Variants in COL4A4 observed in about 807,000 individuals in gnomAD.
COL4A4 encodes collagen type IV alpha 4 chain.
In COL4A4, 105 loss-of-function variants were observed where a neutral mutation model predicts 192.9. The ratio of observed to expected loss-of-function variants is 0.54; its 90% CI spans 0.46 to 0.64. The LOEUF (loss-of-function observed/expected upper bound fraction) is 0.64, where lower values mean the gene tolerates loss of function less well. Ranked by LOEUF, COL4A4 falls within the 30% of genes least tolerant of loss-of-function variation. COL4A4 has a pLI of 0.00. For missense variants in COL4A4, 1,967 were observed against 2,169.3 expected, an observed-to-expected ratio of 0.91 and a Z score of 1.85; for synonymous variants, 762 against 769.9, an observed-to-expected ratio of 0.99 and a Z score of 0.17.
At chr2:227,120,602 C>T (rs2061721160) in intron 5 of COL4A4, among the ~76,000 whole-genome samples, 1 of 152,062 alleles carries the variant, frequency 6.6e-6, no homozygotes, top group Non-Finnish European at 1.5e-5. Context: ...TCAGGGACTT[C>T]ATTTATTATA....
At chr2:226,987,761 C>G in the COL4A4 span, among the ~76,000 whole-genome samples, 1 of 152,224 alleles carries the variant, frequency 6.6e-6, no homozygotes, top group Non-Finnish European at 1.5e-5. Flanking sequence ...CACAGCATTT[C>G]TCAGTGACTT....
intron 44 of COL4A4, among the ~76,000 whole-genome samples, chr2:227,021,680 C>A (rs1966037015): frequency 6.6e-6 from 1 of 152,100 alleles, no homozygotes. Context: ...AAAAAATTAG[C>A]TGAGCGTGGT....
rs1311685590 is a variant in COL4A4 at position 227,006,119 on chromosome 2, T to C, written c.*1206A>G. The C allele has an allele frequency of 1.3e-5, 2 of 152,786 alleles. No individual in the cohort carries two copies. Among genetic ancestry groups the C allele is most frequent in the South Asian group, 2.1e-4 (1 of 4,830 alleles). 9.5% of individuals were successfully genotyped at this position (152,786 alleles called of 1,614,324 possible). A position where few individuals can be genotyped will look rare whatever the true frequency, so the allele number is the denominator to read the frequency against. On this transcript the variant is annotated 3_prime_UTR_variant, in exon 48 of 48. Coordinates refer to ENST00000396625, the MANE Select transcript of COL4A4 (RefSeq NM_000092.5). ...CCACGGGAGCATAAAATTCAAATTA[T>C]AAATTGTCTTTGTTTCGTTTAAAGA...
intron 4 of COL4A4, among the ~76,000 whole-genome samples, chr2:227,136,996 A>C (rs1317312833): frequency 2.0e-5 from 3 of 152,002 alleles, no homozygotes; most frequent in African/African-American, 7.2e-5. Flanking sequence ...CACAAGTCAC[A>C]CTCCCAAATC....
At chr2:227,101,686 G>T (rs2060531483) in intron 16 of COL4A4, 129 bp from the exon 17 acceptor site, 2 of 1,090,152 alleles carry the variant, frequency 1.8e-6, no homozygotes, top group African/African-American at 1.6e-5. Context: ...TTCATCAGTT[G>T]CATCAGACAA....
intron 44 of COL4A4, among the ~76,000 whole-genome samples, chr2:227,013,708 G>A (rs1460253287): frequency 2.6e-5 from 4 of 152,238 alleles, no homozygotes; most frequent in African/African-American, 4.8e-5. Flanking sequence ...TTGTTGTGGC[G>A]GCCCGAGCAG....
chr2:227,159,918 T>C (rs183037297), intron 1 of COL4A4, among the ~76,000 whole-genome samples: 1 of 152,342 alleles, frequency 6.6e-6, no homozygotes, highest in East Asian at 1.9e-4. Context: ...GGCTTTGTAA[T>C]ATAGAACAAC....
the COL4A4 span, among the ~76,000 whole-genome samples, chr2:226,995,101 A>G: frequency 6.6e-6 from 1 of 152,054 alleles, no homozygotes; most frequent in East Asian, 1.9e-4. Flanking sequence ...ATGGGCATAA[A>G]AAAAAAAAGA....
intron 44 of COL4A4, 93 bp from the exon 45 acceptor site, chr2:227,012,390 C>T: frequency 1.0e-6 from 1 of 953,120 alleles, no homozygotes; most frequent in South Asian, 1.3e-5. Flanking sequence ...GTGTGCCAGC[C>T]CCAGGCTTCC....
In COL4A4 at chr2:227,055,986, G is replaced by T. The variant is rs774847155; in HGVS notation, c.2675C>A (p.Pro892His). The change falls in exon 30 of 48, where the codon CCC becomes CAC. Residue 892 changes from proline to histidine, a missense_variant. By Grantham distance (77) the Pro-to-His change is moderately conservative. Coordinates refer to ENST00000396625, the MANE Select transcript of COL4A4 (RefSeq NM_000092.5). ...GPPGLPGIPG[P>H]FGDDGLPGPP... is the part of the protein sequence containing the mutation. The stretch of plus-strand genomic sequence containing the variant: ...ACCAGGTAGCCCATCATCTCCAAAG[G>T]GACCTGGGATTCCTGGGAGGCCTGG... The T allele has an allele frequency of 3.1e-6, 5 of 1,613,832 alleles. No homozygotes were observed. Among genetic ancestry groups the T allele is most frequent in the Non-Finnish European group, 4.2e-6 (5 of 1,179,972 alleles).
intron 20 of COL4A4, among the ~76,000 whole-genome samples, chr2:227,090,188 C>A (rs76581662): frequency 1.5e-3 from 224 of 152,156 alleles, no homozygotes; most frequent in African/African-American, 5.3e-3. Context: ...ATTGATAAAG[C>A]CAACCCTAAT....
intron 1 of COL4A4, among the ~76,000 whole-genome samples, chr2:227,160,220 G>A (rs2064710886): frequency 6.6e-6 from 1 of 152,246 alleles, no homozygotes; most frequent in South Asian, 2.1e-4. Flanking sequence ...GAAATCAGTT[G>A]TGAAGTTAAA....
intron 3 of COL4A4, among the ~76,000 whole-genome samples, chr2:227,143,181 A>T (rs182221178): frequency 6.6e-6 from 1 of 152,340 alleles, no homozygotes; most frequent in Non-Finnish European, 1.5e-5. Context: ...CCAAAGTAAT[A>T]CATATGCCTA....
chr2:227,137,318 T>C lies in COL4A4; in HGVS notation c.192+2843A>G, dbSNP rs149072762. ...GGTCAGAGTCAAGTGGCAACCCAAG[T>C]TTACAAAGTGATGCTACAACCCAGC... On this transcript the variant is annotated intron_variant, in intron 4 of 47. Transcript: ENST00000396625. 1.2e-3 allele frequency among the ~76,000 whole-genome samples: 182 copies of C among 152,260 alleles called. 1 individual carries two copies. Among genetic ancestry groups the C allele is most frequent in the African/African-American group, 4.2e-3 (175 of 41,556 alleles).
chr2:227,058,715 C>T (rs955906829), intron 28 of COL4A4, among the ~76,000 whole-genome samples: 3 of 152,276 alleles, frequency 2.0e-5, no homozygotes, highest in Non-Finnish European at 2.9e-5. Context: ...GGCCCCACCC[C>T]AGAAATAATG....
intron 25 of COL4A4, among the ~76,000 whole-genome samples, chr2:227,064,323 A>G (rs1368190360): frequency 1.3e-5 from 2 of 152,222 alleles, no homozygotes; most frequent in East Asian, 3.8e-4. Context: ...TCAGAGCTCA[A>G]AGACAAGGCT....
chr2:227,002,529 C>G (rs916272751), downstream of COL4A4, among the ~76,000 whole-genome samples: 1 of 152,132 alleles, frequency 6.6e-6, no homozygotes, highest in African/African-American at 2.4e-5. Flanking sequence ...CTCTTCTGCG[C>G]GCCATCACTG....
rs577156913 is a variant in COL4A4 at position 227,086,124 on chromosome 2, C to T, written c.1623+2529G>A. Among the ~76,000 whole-genome samples, 7 of 152,330 alleles carry T rather than the reference C, an allele frequency of 4.6e-5. 1 individual carries two copies. The highest frequency in any genetic ancestry group is 6.8e-3 in the Middle Eastern group (2 of 294). ...GTGCCTTGCACTAGAGCATCCTGGC[C>T]GGAAATCCCATCCTAGGGAGCGCCG... On this transcript the variant is annotated intron_variant, in intron 22 of 47. Coordinates refer to ENST00000396625, the MANE Select transcript of COL4A4 (RefSeq NM_000092.5).
At chr2:227,080,194 T>C (rs141789836) in intron 24 of COL4A4, among the ~76,000 whole-genome samples, 140 of 152,272 alleles carry the variant, frequency 9.2e-4, no homozygotes, top group African/African-American at 3.4e-3. Flanking sequence ...ACCACGAGAA[T>C]GATATAAAGA....
Sources: allele counts gnomAD v4.1 joint callset (sites outside exome capture counted in the v4.1 genomes callset), GRCh38; gene constraint gnomAD v4.1.1; transcripts MANE v1.5; gene names NCBI Gene and HGNC (gene_info 2026-07-23, HGNC 2026-07-21).